Variants in CTNNA2 observed in about 807,000 individuals in gnomAD.
CTNNA2 encodes the protein catenin alpha 2, also known as catenin alpha-2.
A neutral mutation model predicts 101.0 loss-of-function variants in CTNNA2; 42 were observed. The observed-to-expected ratio is 0.42, with a 90% CI of 0.32 to 0.54. The LOEUF is 0.54. CTNNA2 is among the 20% of genes least tolerant of loss of function. The pLI, the probability that CTNNA2 is intolerant of heterozygous loss-of-function variation, is 0.14. For missense variants in CTNNA2, 871 were observed against 1,223.1 expected, an observed-to-expected ratio of 0.71 and a Z score of 4.29; for synonymous variants, 450 against 456.4, an observed-to-expected ratio of 0.99 and a Z score of 0.18.
intron 18 of CTNNA2, among the ~76,000 whole-genome samples, chr2:80,625,832 TA>T (rs1671626595): frequency 1.3e-5 from 2 of 152,054 alleles, no homozygotes; most frequent in African/African-American, 4.8e-5. Flanking sequence ...ATGCACTGTT[TA>T]ACTAGGATTT....
chr2:80,033,918 G>T (rs76024365), intron 7 of CTNNA2, among the ~76,000 whole-genome samples: 179 of 137,610 alleles, frequency 1.3e-3, no homozygotes, highest in African/African-American at 4.3e-3. Flanking sequence ...CTGTTGGATT[G>T]TTATCTTGAG....
intron 2 of CTNNA2, among the ~76,000 whole-genome samples, chr2:79,259,869 A>T (rs1283186487): frequency 3.3e-5 from 5 of 152,204 alleles, no homozygotes; most frequent in African/African-American, 1.2e-4. Flanking sequence ...GCCTATGCAG[A>T]TAGATAAGAG....
At position 80,111,946 on chromosome 2, in the gene CTNNA2, A is replaced by T. The variant is rs371223287; in HGVS notation, c.1056+202149A>T. On this transcript the variant is annotated intron_variant, in intron 7 of 18. Transcript: ENST00000402739. The stretch of plus-strand genomic sequence containing the variant: ...TGGATATCCAATAAGTATTATTAAG[A>T]TCTATCTTTCACAGGTACTGTTCTA... Among the ~76,000 whole-genome samples the T allele has an allele frequency of 1.2e-4, 19 of 152,344 alleles. No individual in the cohort carries two copies. The East Asian group carries it at 2.5e-3, about 20-fold the overall frequency.
At chr2:80,027,171 G>T (rs1021543489) in intron 7 of CTNNA2, among the ~76,000 whole-genome samples, 1 of 152,190 alleles carries the variant, frequency 6.6e-6, no homozygotes, top group Non-Finnish European at 1.5e-5. Flanking sequence ...CTGAGAAGGT[G>T]AACTTTGAGC....
intron 1 of CTNNA2, among the ~76,000 whole-genome samples, chr2:79,628,612 C>T: frequency 6.6e-6 from 1 of 152,128 alleles, no homozygotes. Flanking sequence ...TTTTTTGCTC[C>T]ATAGAAGCAG....
intron 4 of CTNNA2, among the ~76,000 whole-genome samples, chr2:79,443,875 G>A (rs182325472): frequency 3.7e-4 from 56 of 149,386 alleles, no homozygotes; most frequent in Admixed American, 1.1e-3. Flanking sequence ...TACAAAGGAT[G>A]TTAAGCTTTT....
intron 9 of CTNNA2, among the ~76,000 whole-genome samples, chr2:80,457,983 T>C (rs1684121646): frequency 1.3e-5 from 2 of 152,202 alleles, no homozygotes; most frequent in Admixed American, 1.3e-4. Flanking sequence ...CTCTAGTGCC[T>C]TCCTTCACCC....
intron 12 of CTNNA2, among the ~76,000 whole-genome samples, chr2:80,570,453 C>T (rs1694484671): frequency 6.6e-6 from 1 of 152,104 alleles, no homozygotes; most frequent in Admixed American, 6.6e-5. Context: ...TTGACCAATC[C>T]CTAAATAAAT....
At chr2:80,345,312 A>G (rs948385944) in intron 7 of CTNNA2, among the ~76,000 whole-genome samples, 1 of 152,160 alleles carries the variant, frequency 6.6e-6, no homozygotes, top group African/African-American at 2.4e-5. Flanking sequence ...CTTCAGAGCC[A>G]TTTACATCTG....
chr2:80,010,466 T>G, intron 7 of CTNNA2, among the ~76,000 whole-genome samples: 1 of 152,006 alleles, frequency 6.6e-6, no homozygotes. Flanking sequence ...CCACCATGCC[T>G]GGATTTTTTT....
intron 15 of CTNNA2, 118 bp downstream of exon 15, chr2:80,589,603 A>C: frequency 1.1e-6 from 1 of 929,116 alleles, no homozygotes; most frequent in Non-Finnish European, 1.6e-6. Context: ...AGGTGGTGGT[A>C]TTATAAATTT....
At chr2:79,883,222 C>CAG (rs754216931) in intron 6 of CTNNA2, among the ~76,000 whole-genome samples, 3 of 152,140 alleles carry the variant, frequency 2.0e-5, no homozygotes, top group Non-Finnish European at 4.4e-5. Context: ...AGGCTGGATG[C>CAG]AGAAGTGTCT....
chr2:79,400,865 G>C (rs79717963), intron 4 of CTNNA2, among the ~76,000 whole-genome samples: 1 of 151,990 alleles, frequency 6.6e-6, no homozygotes, highest in East Asian at 1.9e-4. Flanking sequence ...TCAAACTGTT[G>C]AAAAATAAAG....
chr2:80,438,775 G>A (rs936079433), intron 9 of CTNNA2, among the ~76,000 whole-genome samples: 2 of 152,184 alleles, frequency 1.3e-5, no homozygotes, highest in Non-Finnish European at 2.9e-5. Context: ...ATGCAGAGTT[G>A]TGCAAGGTTT....
intron 7 of CTNNA2, among the ~76,000 whole-genome samples, chr2:80,289,847 G>T (rs1037920369): frequency 4.6e-5 from 7 of 152,152 alleles, no homozygotes; most frequent in African/African-American, 1.7e-4. Flanking sequence ...AAGTGTACTT[G>T]CCTCCCTGCT....
At chr2:79,747,993 TG>T (rs1272392246) in intron 3 of CTNNA2, among the ~76,000 whole-genome samples, 1 of 152,238 alleles carries the variant, frequency 6.6e-6, no homozygotes, top group African/African-American at 2.4e-5. Flanking sequence ...TTTTTCATTC[TG>T]CAATCTTTTC....
At chr2:80,384,295 C>G (rs1435202749) in intron 7 of CTNNA2, among the ~76,000 whole-genome samples, 1 of 151,992 alleles carries the variant, frequency 6.6e-6, no homozygotes, top group Non-Finnish European at 1.5e-5. Context: ...GTTTGGCACA[C>G]TACCTGCATG....
intron 7 of CTNNA2, among the ~76,000 whole-genome samples, chr2:80,248,289 C>G (rs893508038): frequency 1.3e-5 from 2 of 152,142 alleles, no homozygotes; most frequent in Admixed American, 1.3e-4. Context: ...TGCGGTCCCT[C>G]TCCATCTGCT....
chr2:79,620,758 T>G (rs554334883), intron 1 of CTNNA2, among the ~76,000 whole-genome samples: 1 of 152,182 alleles, frequency 6.6e-6, no homozygotes, highest in South Asian at 2.1e-4. Context: ...AGTTTTGGTG[T>G]GCATAGGCAG....
Sources: allele counts gnomAD v4.1 joint callset (sites outside exome capture counted in the v4.1 genomes callset), GRCh38; gene constraint gnomAD v4.1.1; transcripts MANE v1.5; gene names NCBI Gene and HGNC (gene_info 2026-07-23, HGNC 2026-07-21).